Variants in CDKN2B-AS1 observed in about 807,000 individuals in gnomAD.
CDKN2B-AS1 encodes the protein CDKN2B and CDKN2A antisense cis and trans regulatory RNA 1.
rs1037118336 is a variant in CDKN2B-AS1 at position 22,069,408 on chromosome 9, A to G, written n.438+13021A>G. Among the ~76,000 whole-genome samples the G allele has an allele frequency of 2.6e-5, 4 of 152,198 alleles. No homozygotes were observed. In the East Asian group the frequency reaches 7.7e-4, roughly 29 times the overall value. On this transcript the variant is annotated intron_variant and non_coding_transcript_variant, in intron 4 of 4. Transcript: ENST00000650946. ...TAGTGACAAAATTGTGCACTCAACC[A>G]ACTCTATTAAAAGTATTTCATTATT...
chr9:22,060,241 T>G (rs1022978421), intron 4 of CDKN2B-AS1, among the ~76,000 whole-genome samples: 1 of 152,246 alleles, frequency 6.6e-6, no homozygotes, highest in South Asian at 2.1e-4. Flanking sequence ...CTGAATGCCT[T>G]TAACAGTACC....
At chr9:22,068,415 G>C (rs1024819833) in intron 4 of CDKN2B-AS1, among the ~76,000 whole-genome samples, 1 of 152,122 alleles carries the variant, frequency 6.6e-6, no homozygotes, top group Non-Finnish European at 1.5e-5. Flanking sequence ...GGAACTGAAA[G>C]AAAAATAAGA....
At chr9:22,082,130 G>A (rs1344424736) in intron 4 of CDKN2B-AS1, among the ~76,000 whole-genome samples, 1 of 152,170 alleles carries the variant, frequency 6.6e-6, no homozygotes, top group African/African-American at 2.4e-5. Context: ...TAATTCACAA[G>A]ATTAATCACT....
chr9:22,085,999 G>A (rs1357650801), intron 4 of CDKN2B-AS1, among the ~76,000 whole-genome samples: 2 of 151,964 alleles, frequency 1.3e-5, no homozygotes, highest in Non-Finnish European at 2.9e-5. Flanking sequence ...TCAACAGAAA[G>A]AAGATGAACC....
intron 4 of CDKN2B-AS1, among the ~76,000 whole-genome samples, chr9:22,071,894 A>G (rs1824309873): frequency 6.6e-6 from 1 of 152,160 alleles, no homozygotes; most frequent in Admixed American, 6.5e-5. Context: ...TGTAGTTCCA[A>G]AGCATTAAAC....
rs1249393185 is a variant in CDKN2B-AS1 at position 22,001,192 on chromosome 9, T to G, written n.29+6031T>G. Among the ~76,000 whole-genome samples, 3 of 152,108 alleles carry G rather than the reference T, an allele frequency of 2.0e-5. No homozygotes were observed. The highest frequency in any genetic ancestry group is 7.2e-5 in the African/African-American group (3 of 41,428). On this transcript the variant is annotated intron_variant and non_coding_transcript_variant, in intron 1 of 4. Transcript: ENST00000650946. This position sits in a 1 kb window ranked among gnomAD's most constrained non-coding sequence, Gnocchi z 4.2. ...ATGAGAGGATAGATAGATTATGCATTTGGGGAGGAGGCCAAATATGAGAAA... is the reference window on the plus strand; with the variant it reads ...ATGAGAGGATAGATAGATTATGCATGTGGGGAGGAGGCCAAATATGAGAAA...
chr9:22,043,202 A>AG (rs1822969457), intron 1 of CDKN2B-AS1, among the ~76,000 whole-genome samples: 1 of 152,034 alleles, frequency 6.6e-6, no homozygotes, highest in South Asian at 2.1e-4. Context: ...AATGTTGTGA[A>AG]GGATAATTGG....
Position 22,114,227 on chromosome 9 carries a change from C to G in CDKN2B-AS1, n.439-12876C>G, listed in dbSNP as rs1825879323. Among the ~76,000 whole-genome samples the G allele has an allele frequency of 1.3e-5, 2 of 152,202 alleles. 1 individual carries two copies. Among genetic ancestry groups the G allele is most frequent in the South Asian group, 4.1e-4 (2 of 4,832 alleles). On this transcript the variant is annotated intron_variant and non_coding_transcript_variant, in intron 4 of 4. Transcript: ENST00000650946. ...GTTCTCAGAAAGTTCCCTCTTATAC[C>G]TGGTCAAACTTCTCTTACAATCACC...
At chr9:22,063,769 G>A (rs1477300099) in intron 4 of CDKN2B-AS1, among the ~76,000 whole-genome samples, 3 of 152,192 alleles carry the variant, frequency 2.0e-5, no homozygotes, top group Non-Finnish European at 2.9e-5. Flanking sequence ...CGAAGACCCC[G>A]GAGCTGGAGG....
Position 22,006,254 on chromosome 9 carries a change from G to T in CDKN2B-AS1, n.29+11093G>T. On this transcript the variant is annotated intron_variant and non_coding_transcript_variant, in intron 1 of 4. Transcript: ENST00000650946. This position sits in a 1 kb window ranked among gnomAD's most constrained non-coding sequence, Gnocchi z 6.4. The stretch of plus-strand genomic sequence containing the variant: ...CGCTGCCCATCATCATGACCTGCCA[G>T]AGAGAGCAGAGTGGTCAGAGCCAGG... 1 of 1,603,416 alleles carries T rather than the reference G, an allele frequency of 6.2e-7. No homozygotes were observed.
intron 4 of CDKN2B-AS1, among the ~76,000 whole-genome samples, chr9:22,110,915 G>T (rs1246192282): frequency 1.3e-5 from 2 of 152,016 alleles, no homozygotes; most frequent in African/African-American, 4.8e-5. Context: ...TAAATTTGAT[G>T]TAAATGTAAT....
At chr9:22,019,065 T>C (rs1384040487) in intron 1 of CDKN2B-AS1, among the ~76,000 whole-genome samples, 1 of 152,092 alleles carries the variant, frequency 6.6e-6, no homozygotes, top group Non-Finnish European at 1.5e-5. Context: ...TGTGGCAAGC[T>C]CTGAGGTGGG....
At chr9:22,023,646 G>A (rs1266119713) in intron 1 of CDKN2B-AS1, among the ~76,000 whole-genome samples, 1 of 152,144 alleles carries the variant, frequency 6.6e-6, no homozygotes, top group African/African-American at 2.4e-5. Flanking sequence ...GGGAGACTGA[G>A]GCAGGAGAAT....
At chr9:22,060,023 C>T (rs1346441534) in intron 4 of CDKN2B-AS1, among the ~76,000 whole-genome samples, 5 of 152,142 alleles carry the variant, frequency 3.3e-5, no homozygotes, top group Non-Finnish European at 2.9e-5. Context: ...CCTCTTGGGC[C>T]TCTGGGCCTG....
chr9:22,116,627 T>G (rs1449284549), intron 4 of CDKN2B-AS1, among the ~76,000 whole-genome samples: 1 of 151,948 alleles, frequency 6.6e-6, no homozygotes, highest in East Asian at 1.9e-4. Context: ...GAAACAGCAA[T>G]GGCAAATACA....
rs544099050 is a variant in CDKN2B-AS1 at position 22,120,655 on chromosome 9, A to T, written n.439-6448A>T. On this transcript the variant is annotated intron_variant and non_coding_transcript_variant, in intron 4 of 4. Coordinates refer to ENST00000650946, the Ensembl canonical transcript of CDKN2B-AS1. ...TTCAAAAATATTAAAAAGTCACAAGAAAGGTAAACATGTGGATAAACAAAA... is the reference window on the plus strand; with the variant it reads ...TTCAAAAATATTAAAAAGTCACAAGTAAGGTAAACATGTGGATAAACAAAA... 3 of 152,330 alleles carry T rather than the reference A, an allele frequency of 2.0e-5. No homozygotes were observed. In the East Asian group the frequency reaches 5.8e-4, roughly 29 times the overall value. The allele number at this position is 152,330 out of a possible 1,614,324, so 9.4% of individuals were successfully genotyped here. A position where few individuals can be genotyped will look rare whatever the true frequency, so the allele number is the denominator to read the frequency against.
At chr9:22,091,909 A>G in intron 4 of CDKN2B-AS1, among the ~76,000 whole-genome samples, 1 of 152,180 alleles carries the variant, frequency 6.6e-6, no homozygotes, top group East Asian at 1.9e-4. Flanking sequence ...CCAGTTTTCA[A>G]AGGGAATGCT....
At chr9:22,099,678 A>G (rs1438802368) in intron 4 of CDKN2B-AS1, among the ~76,000 whole-genome samples, 1 of 152,128 alleles carries the variant, frequency 6.6e-6, no homozygotes, top group Non-Finnish European at 1.5e-5. Flanking sequence ...AAATACTGAG[A>G]TGGTGGGGTG....
At chr9:22,126,072 A>G (rs941308249) in intron 4 of CDKN2B-AS1, among the ~76,000 whole-genome samples, 1 of 152,174 alleles carries the variant, frequency 6.6e-6, no homozygotes, top group Non-Finnish European at 1.5e-5. Context: ...TGACTCCCCC[A>G]AAACTTTGCT....
Sources: gnomAD v4.1 joint callset for allele counts (sites outside exome capture counted in the v4.1 genomes callset) on GRCh38, gnomAD v4.1.1 for gene constraint, Gnocchi (gnomAD v3.1) non-coding constraint, MANE v1.5 for transcripts, NCBI Gene and HGNC (gene_info 2026-07-23, HGNC 2026-07-21) for gene names.